Variants in WNK2 observed in about 807,000 individuals in gnomAD.
The protein encoded by WNK2 is WNK lysine deficient protein kinase 2, also known as serine/threonine-protein kinase WNK2.
Under a neutral mutation model 192.1 loss-of-function variants are expected in WNK2, and 67 were observed. That is an observed-to-expected ratio of 0.35 (90% CI 0.29 to 0.43). The LOEUF is 0.43. WNK2 is among the 20% of genes least tolerant of loss of function. The pLI, the probability that WNK2 is intolerant of heterozygous loss-of-function variation, is 1.00. For synonymous variants in WNK2, 1,439 were observed against 1,393.9 expected (o/e 1.03, Z -0.72); for missense variants, 2,698 against 3,089.7 (o/e 0.87, Z 3.01).
chr9:93,228,820 G>A (rs1478364481), intron 2 of WNK2, among the ~76,000 whole-genome samples: 1 of 152,192 alleles, frequency 6.6e-6, no homozygotes, highest in Admixed American at 6.5e-5. Context: ...GGATCCAGGG[G>A]GACTATAGTG....
rs748237623 is a variant in WNK2, at chr9:93,320,404, C to T, written c.*12C>T. On this transcript the variant is annotated 3_prime_UTR_variant, in exon 30 of 30. Transcript: ENST00000427277. ...AGAAGCCTGACTGACCCCGCCTAGA[C>T]GCCAGGCCCACTTCACGCCGTCTAA... 3.1e-5 allele frequency: 42 copies of T among 1,367,562 alleles called. No individual in the cohort carries two copies. Among genetic ancestry groups the T allele is most frequent in the Middle Eastern group, 2.1e-4 (1 of 4,790 alleles). 84.7% of individuals were successfully genotyped at this position (1,367,562 alleles called of 1,614,324 possible).
chr9:93,295,573 C>T (rs1274469866), intron 23 of WNK2, among the ~76,000 whole-genome samples: 1 of 151,954 alleles, frequency 6.6e-6, no homozygotes, highest in Non-Finnish European at 1.5e-5. Context: ...AGGAGGGGCA[C>T]TTGGGGTGAA....
At chr9:93,198,069 C>T (rs1831607405) in intron 2 of WNK2, among the ~76,000 whole-genome samples, 1 of 152,190 alleles carries the variant, frequency 6.6e-6, no homozygotes, top group Non-Finnish European at 1.5e-5. Context: ...AAGGAGGAAA[C>T]TGAGGTACAG....
intron 2 of WNK2, among the ~76,000 whole-genome samples, chr9:93,201,163 G>T (rs570438765): frequency 6.6e-6 from 1 of 152,160 alleles, no homozygotes; most frequent in Non-Finnish European, 1.5e-5. Context: ...TTAGGGTCCT[G>T]CTTGGGATGA....
At chr9:93,310,857 G>A (rs780578597) in intron 28 of WNK2, among the ~76,000 whole-genome samples, 22 of 152,186 alleles carry the variant, frequency 1.4e-4, no homozygotes, top group Admixed American at 6.5e-4. Context: ...CCAGCCACCC[G>A]GGAGGCTGAG....
At chr9:93,223,170 T>C (rs999161633) in intron 2 of WNK2, among the ~76,000 whole-genome samples, 8 of 152,228 alleles carry the variant, frequency 5.3e-5, no homozygotes, top group African/African-American at 1.7e-4. Flanking sequence ...GCCTCCCCTT[T>C]GCTGGTCAGT....
At chr9:93,262,768 C>T in intron 14 of WNK2, 49 bp downstream of exon 14, 1 of 1,592,928 alleles carries the variant, frequency 6.3e-7, no homozygotes, top group Non-Finnish European at 8.6e-7. Flanking sequence ...GGGGCGCAGG[C>T]CTGTACAGCC....
Position 93,184,308 on chromosome 9 carries a change from C to A in WNK2, c.-80C>A, listed in dbSNP as rs566241323. ...CGGACCTCGCCCGGAACTCGGACCCCGTCCTCGAAGCGTGATCTCTCCCGC... is the reference window on the plus strand; with the variant it reads ...CGGACCTCGCCCGGAACTCGGACCCAGTCCTCGAAGCGTGATCTCTCCCGC... On this transcript the variant is annotated 5_prime_UTR_variant, in exon 1 of 30. Coordinates refer to ENST00000427277, the MANE Select transcript of WNK2 (RefSeq NM_006648.4). Among the ~76,000 whole-genome samples the A allele has an allele frequency of 1.3e-5, 2 of 151,340 alleles. No individual in the cohort carries two copies. The highest frequency in any genetic ancestry group is 3.0e-5 in the Non-Finnish European group (2 of 67,708).
At chr9:93,211,058 A>G (rs1486237378) in intron 2 of WNK2, among the ~76,000 whole-genome samples, 1 of 151,054 alleles carries the variant, frequency 6.6e-6, no homozygotes, top group Admixed American at 6.6e-5. Context: ...CCTCACTCAT[A>G]CATTCACTCA....
At chr9:93,268,257 G>T (rs1207163566) in intron 18 of WNK2, among the ~76,000 whole-genome samples, 192 bp downstream of exon 18, 1 of 152,160 alleles carries the variant, frequency 6.6e-6, no homozygotes, top group Non-Finnish European at 1.5e-5. Context: ...CTTCATGGAT[G>T]GTGCCTTGGG....
chr9:93,229,872 A>C lies in WNK2; in HGVS notation c.854+4A>C, dbSNP rs758463690. The C allele has an allele frequency of 5.0e-6, 8 of 1,612,442 alleles. No homozygotes were observed. The highest frequency in any genetic ancestry group is 6.8e-6 in the Non-Finnish European group (8 of 1,179,054). ...TGACCTCAGGGACGCTGAAGACGTAAGCTCCGCTTCCTGAGGGCTGGGGCG... is the reference window on the plus strand; with the variant it reads ...TGACCTCAGGGACGCTGAAGACGTACGCTCCGCTTCCTGAGGGCTGGGGCG... On this transcript the variant is annotated splice_donor_region_variant and intron_variant, in intron 3 of 29. Transcript: ENST00000427277. The surrounding 1 kb of genome is among the most constrained non-coding windows in gnomAD (Gnocchi z 4.9).
At chr9:93,221,184 A>G (rs1314384644) in intron 2 of WNK2, among the ~76,000 whole-genome samples, 3 of 152,180 alleles carry the variant, frequency 2.0e-5, no homozygotes, top group Admixed American at 6.5e-5. Context: ...GCTTCCTAAC[A>G]GGCAGGTGGG....
rs565756400 is a variant in WNK2 at position 93,229,634 on chromosome 9, C to T, written c.682-62C>T. On this transcript the variant is annotated intron_variant, in intron 2 of 29. Transcript: ENST00000427277. The surrounding 1 kb of genome is among the most constrained non-coding windows in gnomAD (Gnocchi z 4.9). Reference sequence around the variant, plus strand: ...ACTGTGTGGCGCTGCTGGGATGTGACGCCACCGTGTCCCCTTCTGTGTCCC... The same window carrying T: ...ACTGTGTGGCGCTGCTGGGATGTGATGCCACCGTGTCCCCTTCTGTGTCCC... 32 of 1,547,930 alleles carry T rather than the reference C, an allele frequency of 2.1e-5. No homozygotes were observed. Among genetic ancestry groups the T allele is most frequent in the East Asian group, 1.9e-4 (8 of 42,762 alleles).
At chr9:93,256,563 C>A (rs888485969) in intron 10 of WNK2, 109 bp downstream of exon 10, 3 of 1,308,830 alleles carry the variant, frequency 2.3e-6, no homozygotes, top group Non-Finnish European at 2.0e-6. Flanking sequence ...CGCTCAAATT[C>A]TCTGTGGTTC....
intron 23 of WNK2, among the ~76,000 whole-genome samples, chr9:93,295,165 C>T (rs112313713): frequency 6.6e-6 from 1 of 152,168 alleles, no homozygotes; most frequent in Non-Finnish European, 1.5e-5. Context: ...TGGTCCAGGG[C>T]ACCCCCTGTG....
At chr9:93,185,866 G>A (rs542793799) in intron 2 of WNK2, among the ~76,000 whole-genome samples, 1 of 152,360 alleles carries the variant, frequency 6.6e-6, no homozygotes, top group African/African-American at 2.4e-5. Context: ...TTGTGCGTTT[G>A]GTGTAAGTGT....
chr9:93,287,793 G>A (rs1285814785), intron 19 of WNK2, among the ~76,000 whole-genome samples: 1 of 152,096 alleles, frequency 6.6e-6, no homozygotes, highest in East Asian at 1.9e-4. Flanking sequence ...GGGCGTGGGG[G>A]CTCACACCTG....
At chr9:93,268,235 C>T (rs956912794) in intron 18 of WNK2, among the ~76,000 whole-genome samples, 170 bp downstream of exon 18, 4 of 152,178 alleles carry the variant, frequency 2.6e-5, no homozygotes, top group East Asian at 3.9e-4. Flanking sequence ...CACCTGCAAC[C>T]GGCATCACGG....
intron 2 of WNK2, among the ~76,000 whole-genome samples, chr9:93,203,575 G>C (rs773120281): frequency 6.6e-6 from 1 of 152,202 alleles, no homozygotes; most frequent in South Asian, 2.1e-4. Context: ...GTCTGTGGAC[G>C]TGCCACTGCA....
Sources: gnomAD v4.1 joint callset for allele counts (sites outside exome capture counted in the v4.1 genomes callset) on GRCh38, gnomAD v4.1.1 for gene constraint, Gnocchi (gnomAD v3.1) non-coding constraint, MANE v1.5 for transcripts, NCBI Gene and HGNC (gene_info 2026-07-23, HGNC 2026-07-21) for gene names.